The following HERC3 variants were observed in gnomAD, a reference collection of about 807,000 sequenced individuals.
The protein encoded by HERC3 is probable E3 ubiquitin-protein ligase HERC3.
Under a neutral mutation model 129.9 loss-of-function variants are expected in HERC3, and 58 were observed. That is an observed-to-expected ratio of 0.45 (90% CI 0.36 to 0.56). The LOEUF (loss-of-function observed/expected upper bound fraction) is 0.56, where lower values mean the gene tolerates loss of function less well. Ranked by LOEUF, HERC3 falls within the 20% of genes least tolerant of loss-of-function variation. HERC3 has a pLI of 0.00. For synonymous variants in HERC3, 430 were observed against 451.0 expected, an observed-to-expected ratio of 0.95 and a Z score of 0.59; for missense variants, 835 against 1,244.2, an observed-to-expected ratio of 0.67 and a Z score of 4.95.
the HERC3 span, among the ~76,000 whole-genome samples, chr4:88,545,430 C>CTTTTTTTTTTTTTTTTTTTTTTTT: frequency 9.1e-6 from 1 of 110,434 alleles, no homozygotes; most frequent in Admixed American, 9.4e-5. Flanking sequence ...TTTGAGAATT[C>CTTTTTTTTTTTTTTTTTTTTTTTT]TTTTTTTTTT....
intron 10 of HERC3, among the ~76,000 whole-genome samples, chr4:88,660,647 T>C (rs901949066): frequency 6.6e-6 from 1 of 152,196 alleles, no homozygotes; most frequent in African/African-American, 2.4e-5. Context: ...AACCATAGCA[T>C]CTCCTTTTCC....
the HERC3 span, among the ~76,000 whole-genome samples, chr4:88,556,880 A>T: frequency 0.026 from 3,904 of 151,888 alleles, 163 homozygotes; most frequent in African/African-American, 0.088. Context: ...CCTGTCCTCA[A>T]ACAGTTCTCT....
At chr4:88,593,052 G>A (rs1721901997) in intron 1 of HERC3, among the ~76,000 whole-genome samples, 1 of 152,202 alleles carries the variant, frequency 6.6e-6, no homozygotes, top group African/African-American at 2.4e-5. Context: ...TGAAATGGGA[G>A]CTGGCGAGGC....
rs1297939095 is a variant in HERC3, at chr4:88,603,758, G to A, written c.-29-2037G>A. Among the ~76,000 whole-genome samples, 17 of 152,184 alleles carry A rather than the reference G, an allele frequency of 1.1e-4. No individual in the cohort carries two copies. In the South Asian group the frequency reaches 1.7e-3, roughly 15 times the overall value. On this transcript the variant is annotated intron_variant, in intron 2 of 25. Transcript: ENST00000402738. ...CATTAGATAAAGCTTCCCCTCTTAT[G>A]TCTTTGTAAGCAAAAATAATATATT... is the stretch of plus-strand genomic sequence containing the variant.
At chr4:88,570,111 T>C in the HERC3 span, among the ~76,000 whole-genome samples, 40 of 152,236 alleles carry the variant, frequency 2.6e-4, no homozygotes, top group Middle Eastern at 3.2e-3. Flanking sequence ...TGATGGCTTG[T>C]TTCATTTTTC....
chr4:88,672,812 A>G (rs1324405833), intron 16 of HERC3, among the ~76,000 whole-genome samples: 1 of 152,234 alleles, frequency 6.6e-6, no homozygotes, highest in Non-Finnish European at 1.5e-5. Flanking sequence ...TTAGCATATA[A>G]TAAGCCCTCA....
At chr4:88,629,479 A>G (rs1311975573) in intron 3 of HERC3, among the ~76,000 whole-genome samples, 1 of 152,136 alleles carries the variant, frequency 6.6e-6, no homozygotes, top group African/African-American at 2.4e-5. Context: ...TACATATTTC[A>G]TTTTATAGGA....
At chr4:88,706,634 A>T in intron 25 of HERC3, 118 bp from the exon 26 acceptor site, 1 of 735,272 alleles carries the variant, frequency 1.4e-6, no homozygotes, top group South Asian at 1.7e-5. Flanking sequence ...ACATAAATGT[A>T]ATTGTACTTC....
intron 23 of HERC3, among the ~76,000 whole-genome samples, chr4:88,688,574 A>G (rs1253071082): frequency 1.3e-5 from 2 of 152,224 alleles, no homozygotes; most frequent in Admixed American, 1.3e-4. Context: ...TTTCTAATTC[A>G]AACACTAATA....
chr4:88,545,349 A>G, the HERC3 span, among the ~76,000 whole-genome samples: 22 of 151,806 alleles, frequency 1.4e-4, no homozygotes, highest in East Asian at 2.1e-3. Flanking sequence ...AAAGGGAGCT[A>G]TCATACACTC....
chr4:88,578,628 A>G, the HERC3 span, among the ~76,000 whole-genome samples: 1 of 152,094 alleles, frequency 6.6e-6, no homozygotes, highest in South Asian at 2.1e-4. Context: ...AATTTTTAAT[A>G]GCACAAAGGA....
chr4:88,664,308 T>C (rs1730821334), intron 12 of HERC3, 96 bp downstream of exon 12: 4 of 1,025,240 alleles, frequency 3.9e-6, no homozygotes, highest in Non-Finnish European at 6.0e-6. Context: ...GTTTAGGAGT[T>C]TGGGGCTTTA....
At chr4:88,662,857 C>T (rs941822179) in intron 11 of HERC3, among the ~76,000 whole-genome samples, 9 of 152,202 alleles carry the variant, frequency 5.9e-5, no homozygotes, top group African/African-American at 2.2e-4. Context: ...GAGAGCTTAG[C>T]GTTATGGTTA....
At chr4:88,547,942 C>T in the HERC3 span, among the ~76,000 whole-genome samples, 1 of 152,150 alleles carries the variant, frequency 6.6e-6, no homozygotes, top group African/African-American at 2.4e-5. Context: ...AGGTAAGAGC[C>T]ACTGTGCCCA....
rs751810971 is a variant in HERC3, at chr4:88,707,294, A to G, written c.*334A>G. 1 of 276,458 alleles carries G rather than the reference A, an allele frequency of 3.6e-6. No homozygotes were observed. Among genetic ancestry groups the G allele is most frequent in the Non-Finnish European group, 6.9e-6 (1 of 143,916 alleles). 17.1% of individuals were successfully genotyped at this position (276,458 alleles called of 1,614,324 possible). On this transcript the variant is annotated 3_prime_UTR_variant, in exon 26 of 26. Coordinates refer to ENST00000402738, the MANE Select transcript of HERC3 (RefSeq NM_014606.3). ...TGGATTTTTAAACTTTAATTTCCCA[A>G]ATGTCTCTCTCAGCCCTGATGTTTT...
chr4:88,673,513 A>AT (rs1218507301), intron 16 of HERC3, among the ~76,000 whole-genome samples: 1 of 152,184 alleles, frequency 6.6e-6, no homozygotes, highest in African/African-American at 2.4e-5. Context: ...GACTTGAAAT[A>AT]TGGTCCACTA....
chr4:88,670,374 T>A, intron 16 of HERC3, 122 bp downstream of exon 16: 1 of 662,676 alleles, frequency 1.5e-6, no homozygotes, highest in Non-Finnish European at 2.6e-6. Flanking sequence ...CCAGCTGGCC[T>A]TTTGCATTCT....
At chr4:88,668,166 A>C (rs751176534) in intron 14 of HERC3, 85 bp downstream of exon 14, 27 of 1,094,528 alleles carry the variant, frequency 2.5e-5, no homozygotes, top group Non-Finnish European at 3.7e-5. Context: ...ATTGAGATCC[A>C]AGAATCTATT....
At chr4:88,632,402 A>G (rs1726874399) in intron 3 of HERC3, among the ~76,000 whole-genome samples, 1 of 152,360 alleles carries the variant, frequency 6.6e-6, no homozygotes, top group East Asian at 1.9e-4. Flanking sequence ...ATTATTCAGC[A>G]TAGGAAAAAC....
Sources: allele counts gnomAD v4.1 joint callset (sites outside exome capture counted in the v4.1 genomes callset), GRCh38; gene constraint gnomAD v4.1.1; transcripts MANE v1.5; gene names NCBI Gene and HGNC (gene_info 2026-07-23, HGNC 2026-07-21).